The following UBE2D3 variants were observed in gnomAD, a reference collection of about 807,000 sequenced individuals.
UBE2D3 encodes the protein ubiquitin-conjugating enzyme E2 D3.
A neutral mutation model predicts 22.8 loss-of-function variants in UBE2D3; 2 were observed. The ratio of observed to expected loss-of-function variants is 0.09; its 90% CI spans 0.04 to 0.28. The LOEUF is 0.28. Ranked by LOEUF, UBE2D3 falls within the 10% of genes least tolerant of loss-of-function variation. UBE2D3 has a pLI of 1.00. For synonymous variants in UBE2D3, 56 were observed against 60.4 expected (o/e 0.93, Z 0.34); for missense variants, 27 against 182.5 (o/e 0.15, Z 4.91).
At chr4:102,801,259 C>G (rs1578221216) in intron 6 of UBE2D3, among the ~76,000 whole-genome samples, 195 bp downstream of exon 6, 1 of 151,928 alleles carries the variant, frequency 6.6e-6, no homozygotes, top group Non-Finnish European at 1.5e-5. Context: ...CTACTCACCA[C>G]AATTTGAATT....
chr4:102,856,786 C>T (rs912444403), intron 1 of UBE2D3, among the ~76,000 whole-genome samples: 4 of 151,948 alleles, frequency 2.6e-5, no homozygotes, highest in Admixed American at 2.6e-4. Context: ...TTGCTTTTTT[C>T]ATTCACACAT....
At chr4:102,812,229 T>A (rs948098504) in intron 2 of UBE2D3, 1 of 153,030 alleles carries the variant, frequency 6.5e-6, no homozygotes, top group African/African-American at 2.4e-5. Flanking sequence ...CAGGTTTTTG[T>A]GTGTTAAATG....
At chr4:102,828,674 T>A (rs888623090), upstream of UBE2D3, among the ~76,000 whole-genome samples, 1 of 152,190 alleles carries the variant, frequency 6.6e-6, no homozygotes, top group African/African-American at 2.4e-5. Context: ...CAGAAAGTGT[T>A]GAGACTAATT....
At chr4:102,836,216 G>A (rs1272572020) in intron 1 of UBE2D3, among the ~76,000 whole-genome samples, 3 of 132,876 alleles carry the variant, frequency 2.3e-5, no homozygotes, top group African/African-American at 8.7e-5. Flanking sequence ...GCGCAATCTT[G>A]GCTTACTGTA....
rs727820 is a variant in UBE2D3, at chr4:102,801,285, A to T, written c.304+169T>A. On this transcript the variant is annotated intron_variant, in intron 6 of 7. Coordinates refer to ENST00000453744, the MANE Select transcript of UBE2D3 (RefSeq NM_181891.3). ...AATTTGAATTTTAACAACTTCTCAC[A>T]AAGTATCTTTAATCAACACCACTAA... 9.2e-3 allele frequency among the ~76,000 whole-genome samples: 1,400 copies of T among 152,150 alleles called. 55 individuals carry two copies. The East Asian group carries it at 0.092, about 10-fold the overall frequency.
At chr4:102,826,991 AG>A (rs1217316596) in intron 1 of UBE2D3, 2 of 995,334 alleles carry the variant, frequency 2.0e-6, no homozygotes, top group African/African-American at 1.8e-5. Flanking sequence ...GCAAGGGGGG[AG>A]GGGGAAGCAT....
chr4:102,811,591 G>A, intron 2 of UBE2D3: 1 of 306,732 alleles, frequency 3.3e-6, no homozygotes, highest in Non-Finnish European at 6.4e-6. Context: ...TGATACAGGA[G>A]AATCACTTGA....
rs758422769 is a variant in UBE2D3 at position 102,799,475 on chromosome 4, T to A, written c.330A>T (p.Leu110=). The A allele has an allele frequency of 5.0e-6, 8 of 1,611,902 alleles. No homozygotes were observed. Among genetic ancestry groups the A allele is most frequent in the South Asian group, 2.2e-5 (2 of 90,996 alleles). Residue 110 remains leucine (L), a synonymous_variant, in exon 7 of 8, where the codon CTA becomes CTT. Coordinates refer to ENST00000453744, the MANE Select transcript of UBE2D3 (RefSeq NM_181891.3). ...SKVLLSICSL[L]CDPNPDDPLV... is the part of the protein sequence containing the mutation. ...GGGGGTCATCTGGGTTTGGATCACA[T>A]AGCAGTGAACAAATGGATAAAAGAA...
intron 1 of UBE2D3, among the ~76,000 whole-genome samples, chr4:102,842,689 A>G (rs1346750025): frequency 1.3e-5 from 2 of 152,232 alleles, no homozygotes; most frequent in African/African-American, 4.8e-5. Context: ...GTTAGTGACA[A>G]GTTGTATTTT....
chr4:102,798,963 G>T (rs759013353), intron 7 of UBE2D3: 1 of 1,611,602 alleles, frequency 6.2e-7, no homozygotes, highest in Admixed American at 1.7e-5. Context: ...CCACTCTCTT[G>T]CTAACCTATT....
intron 2 of UBE2D3, chr4:102,811,237 T>A (rs1167883784): frequency 1.3e-5 from 2 of 152,348 alleles, no homozygotes; most frequent in Non-Finnish European, 2.9e-5. Flanking sequence ...TCCTAGCTAC[T>A]CAGAAGACTG....
intron 2 of UBE2D3, among the ~76,000 whole-genome samples, chr4:102,823,755 A>C (rs1409679266): frequency 6.6e-6 from 1 of 152,240 alleles, no homozygotes; most frequent in Non-Finnish European, 1.5e-5. Context: ...TGATTGGTCT[A>C]ACAGTCAAAA....
chr4:102,813,893 G>A (rs1230245703), intron 2 of UBE2D3, among the ~76,000 whole-genome samples: 1 of 152,158 alleles, frequency 6.6e-6, no homozygotes, highest in Non-Finnish European at 1.5e-5. Flanking sequence ...CTAGATTAAT[G>A]CCATAAAACA....
intron 1 of UBE2D3, chr4:102,827,172 CCG>C: frequency 1.0e-6 from 1 of 987,028 alleles, no homozygotes; most frequent in East Asian, 1.1e-4. Context: ...CAGCGCGCTC[CCG>C]CGCGCGCCCG....
intron 1 of UBE2D3, among the ~76,000 whole-genome samples, chr4:102,856,250 C>T (rs939870520): frequency 6.6e-6 from 1 of 152,182 alleles, no homozygotes; most frequent in Admixed American, 6.5e-5. Flanking sequence ...CCTGTGATCC[C>T]AGCTACTCGG....
At position 102,854,640 on chromosome 4, in the gene UBE2D3, T is replaced by A. The variant is rs1040352600; in HGVS notation, c.-129+14075A>T. Among the ~76,000 whole-genome samples the A allele has an allele frequency of 3.2e-4, 49 of 152,246 alleles. 1 individual carries two copies. The highest frequency in any genetic ancestry group is 2.4e-4 in the Non-Finnish European group (16 of 68,044). On this transcript the variant is annotated intron_variant, in intron 1 of 7. Coordinates refer to the UBE2D3 transcript ENST00000338145. The stretch of plus-strand genomic sequence containing the variant: ...ACTCCAGCTTTCTTTTTATTAGTTT[T>A]AGCATGGCAGATCTTTCTTTATTTA...
upstream of UBE2D3, among the ~76,000 whole-genome samples, chr4:102,828,384 T>A (rs1730901294): frequency 6.7e-6 from 1 of 148,962 alleles, no homozygotes; most frequent in Admixed American, 6.7e-5. Flanking sequence ...CCCCTCGAGA[T>A]GGGAATAGTA....
intron 1 of UBE2D3, among the ~76,000 whole-genome samples, chr4:102,850,298 G>A (rs1169993254): frequency 6.6e-6 from 1 of 152,152 alleles, no homozygotes; most frequent in Non-Finnish European, 1.5e-5. Context: ...TTTCCTGGGT[G>A]CTGGATACAG....
At chr4:102,862,551 T>C (rs1732949890) in intron 1 of UBE2D3, among the ~76,000 whole-genome samples, 1 of 152,250 alleles carries the variant, frequency 6.6e-6, no homozygotes, top group African/African-American at 2.4e-5. Context: ...TTTCTTAGTT[T>C]ATTCCTCATT....
Sources: allele counts gnomAD v4.1 joint callset (sites outside exome capture counted in the v4.1 genomes callset), GRCh38; gene constraint gnomAD v4.1.1; transcripts MANE v1.5; gene names NCBI Gene and HGNC (gene_info 2026-07-23, HGNC 2026-07-21).